FLACC1: variants seen among roughly 807,000 people sequenced by gnomAD.
FLACC1 encodes flagellum-associated coiled-coil domain-containing protein 1.
In FLACC1, 66 loss-of-function variants were observed where a neutral mutation model predicts 62.8. That is an observed-to-expected ratio of 1.05 (90% CI 0.86 to 1.29). The LOEUF is 1.29. Ranked by LOEUF, FLACC1 falls within the 50% of genes most tolerant of loss-of-function variation. The pLI is 0.00. For missense variants in FLACC1, 452 were observed against 489.1 expected, an observed-to-expected ratio of 0.92 and a Z score of 0.71; for synonymous variants, 156 against 161.0, an observed-to-expected ratio of 0.97 and a Z score of 0.24.
chr2:201,344,291 C>A (rs1296697652), intron 5 of FLACC1, 28 bp from the exon 6 acceptor site: 2 of 1,562,880 alleles, frequency 1.3e-6, no homozygotes, highest in South Asian at 1.1e-5. Flanking sequence ...CTTCTATCAT[C>A]CACAAAGCTT....
intron 3 of FLACC1, among the ~76,000 whole-genome samples, chr2:201,349,070 C>T (rs1233237935): frequency 6.6e-6 from 1 of 152,234 alleles, no homozygotes; most frequent in East Asian, 1.9e-4. Context: ...CTTAATTCCT[C>T]TTTGGCAAGT....
intron 7 of FLACC1, among the ~76,000 whole-genome samples, chr2:201,331,990 C>T (rs1360956607): frequency 6.6e-6 from 1 of 152,020 alleles, no homozygotes; most frequent in African/African-American, 2.4e-5. Context: ...ATACTTTCCC[C>T]TCAATGTTGC....
At chr2:201,309,925 A>AAAAAAAAAAAAAAAAAG (rs764506462) in intron 9 of FLACC1, among the ~76,000 whole-genome samples, 8 of 99,452 alleles carry the variant, frequency 8.0e-5, no homozygotes, top group African/African-American at 1.2e-4. Flanking sequence ...AAAAAAAAAA[A>AAAAAAAAAAAAAAAAAG]AAGAAGAAGA....
Position 201,330,335 on chromosome 2 carries a change from T to C in FLACC1, c.675+135A>G, listed in dbSNP as rs367706748. The C allele has an allele frequency of 3.2e-5, 25 of 784,660 alleles. No homozygotes were observed. The African/African-American group carries it at 4.5e-4, about 14-fold the overall frequency. 48.6% of individuals were successfully genotyped at this position (784,660 alleles called of 1,614,324 possible). On this transcript the variant is annotated intron_variant, in intron 9 of 14. Transcript: ENST00000392257. ...GGTTCATCCTCCCCCTGGGTGCAGCTAGTGCCACTTAGGTCTAAGGATGCT... is the reference window on the plus strand; with the variant it reads ...GGTTCATCCTCCCCCTGGGTGCAGCCAGTGCCACTTAGGTCTAAGGATGCT...
chr2:201,315,713 A>G (rs1048536147), intron 9 of FLACC1, among the ~76,000 whole-genome samples: 8 of 152,206 alleles, frequency 5.3e-5, no homozygotes, highest in Non-Finnish European at 7.3e-5. Flanking sequence ...GACTTAAGAG[A>G]TATTTACAGA....
intron 1 of FLACC1, among the ~76,000 whole-genome samples, chr2:201,355,475 T>C (rs1951101486): frequency 1.3e-5 from 2 of 152,094 alleles, no homozygotes; most frequent in Admixed American, 1.3e-4. Context: ...AGATTTTCAA[T>C]GATCTTTGAT....
At chr2:201,332,309 C>T (rs962357529) in intron 7 of FLACC1, among the ~76,000 whole-genome samples, 6 of 151,714 alleles carry the variant, frequency 4.0e-5, no homozygotes, top group African/African-American at 1.2e-4. Flanking sequence ...AGTGCAATGG[C>T]GCAATCTCGG....
intron 7 of FLACC1, among the ~76,000 whole-genome samples, chr2:201,332,527 C>A (rs548295386): frequency 3.3e-5 from 5 of 152,258 alleles, no homozygotes; most frequent in African/African-American, 1.2e-4. Context: ...AGATTACAGG[C>A]GTGAGCCACT....
chr2:201,354,554 G>A (rs1446381129), intron 1 of FLACC1, among the ~76,000 whole-genome samples: 1 of 152,118 alleles, frequency 6.6e-6, no homozygotes, highest in Non-Finnish European at 1.5e-5. Context: ...TGGGTTTGGG[G>A]GCCTGTTAGG....
chr2:201,316,112 C>A (rs551330790), intron 9 of FLACC1, among the ~76,000 whole-genome samples: 1 of 151,870 alleles, frequency 6.6e-6, no homozygotes, highest in Non-Finnish European at 1.5e-5. Context: ...TCTGAAAGAG[C>A]AAAAACAGAC....
chr2:201,328,233 G>A (rs894674740), intron 9 of FLACC1, among the ~76,000 whole-genome samples: 17 of 151,770 alleles, frequency 1.1e-4, no homozygotes, highest in African/African-American at 3.9e-4. Context: ...GATGATGGGT[G>A]CACTAAAGTC....
At chr2:201,291,694 GA>G (rs1949738766) in intron 12 of FLACC1, among the ~76,000 whole-genome samples, 1 of 152,220 alleles carries the variant, frequency 6.6e-6, no homozygotes, top group Non-Finnish European at 1.5e-5. Flanking sequence ...TTGACGAGTT[GA>G]GAGAAGAAGG....
chr2:201,316,522 C>G (rs1950310541), intron 9 of FLACC1, among the ~76,000 whole-genome samples: 1 of 151,816 alleles, frequency 6.6e-6, no homozygotes, highest in Admixed American at 6.6e-5. Flanking sequence ...AATTAGATAC[C>G]CCGAACAGAC....
At chr2:201,350,570 A>G (rs990719532) in intron 3 of FLACC1, 141 bp downstream of exon 3, 9 of 676,536 alleles carry the variant, frequency 1.3e-5, no homozygotes, top group Non-Finnish European at 2.2e-5. Context: ...ATTCCCAGCT[A>G]CTCGAGAGGC....
Position 201,346,785 on chromosome 2 carries a change from C to T in FLACC1, c.235-110G>A, listed in dbSNP as rs551815078. 2.8e-3 allele frequency: 3,835 copies of T among 1,394,282 alleles called. 9 individuals carry two copies. The highest frequency in any genetic ancestry group is 4.2e-3 in the Admixed American group (222 of 53,022). 86.4% of individuals were successfully genotyped at this position (1,394,282 alleles called of 1,614,324 possible). On this transcript the variant is annotated intron_variant, in intron 4 of 14. Coordinates refer to ENST00000392257, the MANE Select transcript of FLACC1 (RefSeq NM_001127391.3). The surrounding 1 kb of genome is among the most constrained non-coding windows in gnomAD (Gnocchi z 4.0). ...TCTTAAAAACAGGGACCTGGGACTCCACAGCCCAAGCCCTTCTGGGCCCTT... is the reference window on the plus strand; with the variant it reads ...TCTTAAAAACAGGGACCTGGGACTCTACAGCCCAAGCCCTTCTGGGCCCTT...
Position 201,346,463 on chromosome 2 carries a change from G to T in FLACC1, c.368+79C>A. On this transcript the variant is annotated intron_variant, in intron 5 of 14. Transcript: ENST00000392257. The surrounding 1 kb of genome is among the most constrained non-coding windows in gnomAD (Gnocchi z 4.0). ...CAGTGGCCTGGGTGTGGGCATAGCG[G>T]CTTTGGCTTGTCCCTGAGGCCGGGC... The T allele has an allele frequency of 6.3e-7, 1 of 1,585,218 alleles. No individual in the cohort carries two copies. Among genetic ancestry groups the T allele is most frequent in the Non-Finnish European group, 8.5e-7 (1 of 1,170,376 alleles).
intron 7 of FLACC1, among the ~76,000 whole-genome samples, chr2:201,333,532 C>T (rs1950633729): frequency 1.3e-5 from 2 of 151,738 alleles, no homozygotes; most frequent in South Asian, 4.2e-4. Context: ...TTAGGTATAT[C>T]TCCAAATGCT....
intron 9 of FLACC1, among the ~76,000 whole-genome samples, chr2:201,322,440 A>G (rs887741966): frequency 1.3e-5 from 2 of 151,738 alleles, no homozygotes; most frequent in African/African-American, 2.4e-5. Context: ...AAAGCCACAT[A>G]AAAAAACTCT....
In FLACC1 at chr2:201,320,704, G is replaced by A. The variant is rs535245771; in HGVS notation, c.675+9766C>T. 7.2e-5 allele frequency among the ~76,000 whole-genome samples: 11 copies of A among 152,298 alleles called. No homozygotes were observed. The East Asian group carries it at 1.2e-3, about 16-fold the overall frequency. On this transcript the variant is annotated intron_variant, in intron 9 of 14. Coordinates refer to ENST00000392257, the MANE Select transcript of FLACC1 (RefSeq NM_001127391.3). Reference sequence around the variant, plus strand: ...TGCCCTGCACAGGGAGACTCAGAGCGCAAGCCCACCTGAACCAACCCTCAC... The same window carrying A: ...TGCCCTGCACAGGGAGACTCAGAGCACAAGCCCACCTGAACCAACCCTCAC...
Sources: gnomAD v4.1 joint callset for allele counts (sites outside exome capture counted in the v4.1 genomes callset) on GRCh38, gnomAD v4.1.1 for gene constraint, Gnocchi (gnomAD v3.1) non-coding constraint, MANE v1.5 for transcripts, NCBI Gene and HGNC (gene_info 2026-07-23, HGNC 2026-07-21) for gene names.